ZNF540: variants seen among roughly 807,000 people sequenced by gnomAD.
The protein encoded by ZNF540 is CTD-3064H18.6.
In ZNF540, 3 loss-of-function variants were observed where a neutral mutation model predicts 11.8. The ratio of observed to expected loss-of-function variants is 0.25; its 90% CI spans 0.12 to 0.65. The LOEUF (loss-of-function observed/expected upper bound fraction) is 0.65, where lower values mean the gene tolerates loss of function less well. Ranked by LOEUF, ZNF540 falls within the 30% of genes least tolerant of loss-of-function variation. The pLI is 0.83. For synonymous variants in ZNF540, 247 were observed against 259.0 expected (o/e 0.95, Z 0.45); for missense variants, 709 against 793.1 (o/e 0.89, Z 1.27).
At chr19:37,575,181 C>T (rs1236852645) in intron 1 of ZNF540, among the ~76,000 whole-genome samples, 2 of 152,176 alleles carry the variant, frequency 1.3e-5, no homozygotes, top group African/African-American at 4.8e-5. Context: ...AATGCTATGT[C>T]AGTACTGAGA....
chr19:37,593,519 C>T (rs1182135482), upstream of ZNF540, among the ~76,000 whole-genome samples: 2 of 152,068 alleles, frequency 1.3e-5, no homozygotes, highest in African/African-American at 2.4e-5. Context: ...CTGGCTAACA[C>T]GGTGAAACCT....
At chr19:37,554,522 A>G (rs1326693515) in intron 1 of ZNF540, among the ~76,000 whole-genome samples, 1 of 152,130 alleles carries the variant, frequency 6.6e-6, no homozygotes, top group Non-Finnish European at 1.5e-5. Context: ...GCTGTTCTCA[A>G]GATTTTCCTT....
intron 1 of ZNF540, among the ~76,000 whole-genome samples, chr19:37,554,437 G>C (rs992518028): frequency 6.6e-6 from 1 of 152,074 alleles, no homozygotes; most frequent in African/African-American, 2.4e-5. Flanking sequence ...TTCTCTGCTA[G>C]CTTGCATAGA....
At chr19:37,552,670 G>A (rs772363072) in intron 1 of ZNF540, among the ~76,000 whole-genome samples, 5 of 152,090 alleles carry the variant, frequency 3.3e-5, no homozygotes, top group African/African-American at 9.7e-5. Context: ...TGTGAGGGCC[G>A]GGTGCAGTGG....
In ZNF540 at chr19:37,557,855, T is replaced by C. The variant is rs974545810; in HGVS notation, c.-73+6190T>C. The stretch of plus-strand genomic sequence containing the variant: ...GGTTAAATTTTGGCCCAGAGTTAAC[T>C]TATCAGCCTCTTGGACTAGGCTTGC... On this transcript the variant is annotated intron_variant, in intron 1 of 4. Coordinates refer to the ZNF540 transcript ENST00000592533. 3.3e-5 allele frequency among the ~76,000 whole-genome samples: 5 copies of C among 152,312 alleles called. 1 individual carries two copies. The highest frequency in any genetic ancestry group is 3.4e-3 in the Middle Eastern group (1 of 294).
In ZNF540 at chr19:37,613,425, C is replaced by T. The variant is rs561975072; in HGVS notation, c.*162C>T. ...CTCATTAAATTTAGGAAAATTCACA[C>T]TAGAAAATAAAGCTGTTAATGTAAC... On this transcript the variant is annotated 3_prime_UTR_variant, in exon 5 of 5. Coordinates refer to ENST00000316433, the MANE Select transcript of ZNF540 (RefSeq NM_001172225.3). 1 of 512,102 alleles carries T rather than the reference C, an allele frequency of 2.0e-6. No homozygotes were observed. 31.7% of individuals were successfully genotyped at this position (512,102 alleles called of 1,614,324 possible).
Position 37,612,802 on chromosome 19 carries a change from T to G in ZNF540, c.1522T>G (p.Phe508Val). ...VRCGKTFRFG[F>V]YLTEHQRIHT... ...ATGTGGGAAGACCTTTAGATTTGGT[T>G]TCTACCTTACTGAACACCAGAGAAT... is the stretch of plus-strand genomic sequence containing the variant. Residue 508 changes from phenylalanine (F) to valine (V), a missense_variant, in exon 5 of 5, where the codon TTC becomes GTC. Transcript: ENST00000316433. 6.2e-7 allele frequency: 1 copy of G among 1,614,032 alleles called. No homozygotes were observed. The highest frequency in any genetic ancestry group is 1.3e-5 in the African/African-American group (1 of 75,042).
chr19:37,612,898 G>C lies in ZNF540; in HGVS notation c.1618G>C (p.Glu540Gln), dbSNP rs976252553. 1.2e-5 allele frequency: 20 copies of C among 1,614,030 alleles called. No individual in the cohort carries two copies. Among genetic ancestry groups the C allele is most frequent in the Admixed American group, 1.7e-5 (1 of 60,014 alleles). ...KAFIRRGNLK[E>Q]HLKIHSGLKP... is the part of the protein sequence containing the mutation. ...CTTTATTCGTAGAGGGAATCTTAAA[G>C]AACATCTGAAAATTCATTCTGGTTT... is the stretch of plus-strand genomic sequence containing the variant. The change falls in exon 5 of 5, where the codon GAA (glutamate) becomes CAA (glutamine). Residue 540 changes from glutamate to glutamine, a missense_variant. By Grantham distance (29) the Glu-to-Gln change is conservative (BLOSUM62 2). Transcript: ENST00000316433.
chr19:37,584,128 C>G, intron 1 of ZNF540: 2 of 1,613,142 alleles, frequency 1.2e-6, no homozygotes, highest in Non-Finnish European at 1.7e-6. Flanking sequence ...CAGGATGATT[C>G]TACAGGAATG....
chr19:37,596,868 A>G lies in ZNF540; in HGVS notation c.-72-1508A>G, dbSNP rs3795070. Among the ~76,000 whole-genome samples, 1,027 of 152,298 alleles carry G rather than the reference A, an allele frequency of 6.7e-3. 32 individuals carry two copies. The highest frequency in any genetic ancestry group is 0.051 in the East Asian group (262 of 5,172). On this transcript the variant is annotated intron_variant, in intron 1 of 4. Coordinates refer to ENST00000316433, the MANE Select transcript of ZNF540 (RefSeq NM_001172225.3). Reference sequence around the variant, plus strand: ...AATGCTATTTGCCACTTTAACGTATATTATCTTAATAAGTAGCAACATTTA... The same window carrying G: ...AATGCTATTTGCCACTTTAACGTATGTTATCTTAATAAGTAGCAACATTTA...
chr19:37,582,950 C>T (rs1036576201), intron 1 of ZNF540, among the ~76,000 whole-genome samples: 1 of 152,164 alleles, frequency 6.6e-6, no homozygotes, highest in Non-Finnish European at 1.5e-5. Flanking sequence ...CCAGGGGCTC[C>T]CTATCACACT....
intron 4 of ZNF540, among the ~76,000 whole-genome samples, chr19:37,609,296 C>T (rs1159059611): frequency 6.6e-6 from 1 of 152,170 alleles, no homozygotes; most frequent in African/African-American, 2.4e-5. Context: ...GTAATCTCAG[C>T]ACTTTGGGAG....
At chr19:37,572,000 T>TG (rs2043071909) in intron 1 of ZNF540, among the ~76,000 whole-genome samples, 1 of 152,258 alleles carries the variant, frequency 6.6e-6, no homozygotes, top group Non-Finnish European at 1.5e-5. Context: ...ATTATCCAAA[T>TG]AGACTATATG....
intron 1 of ZNF540, chr19:37,555,330 G>A (rs1483375901): frequency 7.9e-5 from 12 of 152,606 alleles, no homozygotes; most frequent in Admixed American, 5.9e-4. Flanking sequence ...GAATCAAATC[G>A]TTGATTCCTC....
intron 1 of ZNF540, among the ~76,000 whole-genome samples, chr19:37,551,915 GC>G (rs1369136919): frequency 6.6e-6 from 1 of 151,932 alleles, no homozygotes; most frequent in Non-Finnish European, 1.5e-5. Flanking sequence ...TCTCTTATGC[GC>G]CCTCTTGTGG....
Position 37,612,912 on chromosome 19 carries a change from T to C in ZNF540, c.1632T>C (p.Ile544=), listed in dbSNP as rs1167902132. Residue 544 remains isoleucine (I), a synonymous_variant, in exon 5 of 5, where the codon ATT becomes ATC. Transcript: ENST00000316433. ...GGAATCTTAAAGAACATCTGAAAAT[T>C]CATTCTGGTTTAAAACCCTATGACT... ...RRGNLKEHLK[I]HSGLKPYDCK... 1.2e-6 allele frequency: 2 copies of C among 1,613,998 alleles called. No individual in the cohort carries two copies. Among genetic ancestry groups the C allele is most frequent in the Non-Finnish European group, 1.7e-6 (2 of 1,180,014 alleles).
chr19:37,599,368 C>A (rs2044021499), intron 2 of ZNF540, among the ~76,000 whole-genome samples: 2 of 151,834 alleles, frequency 1.3e-5, no homozygotes, highest in Admixed American at 1.3e-4. Context: ...TATTTGTTCC[C>A]AGAAATGTTT....
In ZNF540 at chr19:37,613,490, A is replaced by G. The variant is rs2044149630; in HGVS notation, c.*227A>G. The G allele has an allele frequency of 2.4e-6, 1 of 415,876 alleles. No individual in the cohort carries two copies. Among genetic ancestry groups the G allele is most frequent in the East Asian group, 3.5e-5 (1 of 28,978 alleles). The allele number at this position is 415,876 out of a possible 1,614,324, so 25.8% of individuals were successfully genotyped here. A position where few individuals can be genotyped will look rare whatever the true frequency, so the allele number is the denominator to read the frequency against. ...GTTCTAGCAACAGCATATACTTATC[A>G]TCATTGCCTTTCCACTACTCTACTA... On this transcript the variant is annotated 3_prime_UTR_variant, in exon 5 of 5. Transcript: ENST00000316433.
chr19:37,580,645 T>TC (rs997667545), intron 1 of ZNF540, among the ~76,000 whole-genome samples: 23 of 152,158 alleles, frequency 1.5e-4, no homozygotes, highest in Non-Finnish European at 3.2e-4. Flanking sequence ...ATTAATGCCC[T>TC]CCCTCAAGGG....
Sources: allele counts gnomAD v4.1 joint callset (sites outside exome capture counted in the v4.1 genomes callset), GRCh38; gene constraint gnomAD v4.1.1; transcripts MANE v1.5; gene names NCBI Gene and HGNC (gene_info 2026-07-23, HGNC 2026-07-21).